The following SNX4 variants were observed in gnomAD, a reference collection of about 807,000 sequenced individuals.
The protein encoded by SNX4 is sorting nexin 4.
SNX4 carries 49 observed loss-of-function variants against 70.8 expected under a neutral mutation model. The ratio of observed to expected loss-of-function variants is 0.69; its 90% CI spans 0.55 to 0.88. The LOEUF is 0.88. Among genes scored for constraint, SNX4 ranks in the 40% least tolerant of loss-of-function variants. The pLI is 0.00. For synonymous variants in SNX4, 206 were observed against 183.8 expected, an observed-to-expected ratio of 1.12 and a Z score of -0.98; for missense variants, 528 against 544.8, an observed-to-expected ratio of 0.97 and a Z score of 0.31.
chr3:125,484,484 A>G (rs1448513812), intron 6 of SNX4, among the ~76,000 whole-genome samples: 2 of 151,960 alleles, frequency 1.3e-5, no homozygotes, highest in Admixed American at 1.3e-4. Flanking sequence ...CGAACTTCTG[A>G]CCTCAAGTGA....
intron 1 of SNX4, among the ~76,000 whole-genome samples, chr3:125,517,676 G>GT (rs1421230758): frequency 1.3e-5 from 2 of 152,178 alleles, no homozygotes; most frequent in Admixed American, 6.5e-5. Flanking sequence ...TTAGGGAGTT[G>GT]TTTTAAGAAA....
Position 125,460,838 on chromosome 3 carries a change from TATC to T in SNX4, c.874_876del (p.Asp292del). 8.5e-6 allele frequency: 13 copies of T among 1,533,034 alleles called. No homozygotes were observed. The highest frequency in any genetic ancestry group is 9.8e-6 in the Non-Finnish European group (11 of 1,126,316). 95.0% of individuals were successfully genotyped at this position (1,533,034 alleles called of 1,614,324 possible). On this transcript the variant is annotated inframe_deletion, in exon 10 of 14. Coordinates refer to ENST00000251775, the MANE Select transcript of SNX4 (RefSeq NM_003794.4). ...GCATAATGTTCTTCATCTTCCAAAATATCATCAATAGAAGATGCATACCTGTTT... is the reference window on the plus strand; with the variant it reads ...GCATAATGTTCTTCATCTTCCAAAATATCAATAGAAGATGCATACCTGTTT...
intron 5 of SNX4, among the ~76,000 whole-genome samples, chr3:125,495,275 T>TATATATACACAC: frequency 9.6e-5 from 8 of 83,048 alleles, no homozygotes; most frequent in Admixed American, 3.4e-4. Flanking sequence ...TATATATATA[T>TATATATACACAC]ATACACATAC....
At chr3:125,468,948 T>C (rs1470483819) in intron 9 of SNX4, among the ~76,000 whole-genome samples, 5 of 152,100 alleles carry the variant, frequency 3.3e-5, no homozygotes, top group Admixed American at 2.0e-4. Context: ...ACTGAAAATA[T>C]AGTTTTGCTT....
At chr3:125,474,061 C>A (rs188965973) in intron 8 of SNX4, among the ~76,000 whole-genome samples, 1 of 152,268 alleles carries the variant, frequency 6.6e-6, no homozygotes, top group East Asian at 1.9e-4. Context: ...ACCATTCCAC[C>A]TACATTCTCT....
intron 9 of SNX4, 108 bp downstream of exon 9, chr3:125,469,346 G>T (rs1257860464): frequency 1.4e-6 from 1 of 707,926 alleles, no homozygotes; most frequent in Non-Finnish European, 2.5e-6. Context: ...CACATAGAGC[G>T]CAATATAAAT....
At chr3:125,468,987 T>C (rs1409174579) in intron 9 of SNX4, among the ~76,000 whole-genome samples, 3 of 152,198 alleles carry the variant, frequency 2.0e-5, no homozygotes, top group African/African-American at 4.8e-5. Flanking sequence ...TCTTATTTAA[T>C]TTTCTTGTCT....
chr3:125,472,288 T>C (rs931095181), intron 8 of SNX4, among the ~76,000 whole-genome samples: 1 of 152,190 alleles, frequency 6.6e-6, no homozygotes, highest in Non-Finnish European at 1.5e-5. Context: ...TCCGATTATG[T>C]GGCCCCCAAC....
At chr3:125,488,218 G>T (rs945251007) in intron 6 of SNX4, among the ~76,000 whole-genome samples, 3 of 145,082 alleles carry the variant, frequency 2.1e-5, no homozygotes, top group Non-Finnish European at 4.5e-5. Flanking sequence ...GCTCACACCT[G>T]TAATCCCAGA....
At chr3:125,451,828 T>G (rs1193733342) in intron 12 of SNX4, among the ~76,000 whole-genome samples, 2 of 152,050 alleles carry the variant, frequency 1.3e-5, no homozygotes. Flanking sequence ...GGTTTCACCA[T>G]GTTGGCCAGG....
At chr3:125,494,070 G>A (rs1451836745) in intron 5 of SNX4, among the ~76,000 whole-genome samples, 3 of 151,152 alleles carry the variant, frequency 2.0e-5, no homozygotes, top group African/African-American at 4.9e-5. Context: ...AATCTAGTAC[G>A]CCAAAACTAC....
At chr3:125,492,022 C>G (rs1212781260) in intron 5 of SNX4, among the ~76,000 whole-genome samples, 7 of 145,104 alleles carry the variant, frequency 4.8e-5, no homozygotes, top group Non-Finnish European at 1.0e-4. Context: ...GCAGGAGAAT[C>G]GCTTGAACCC....
chr3:125,457,250 A>G lies in SNX4; in HGVS notation c.1044+16T>C, dbSNP rs377539402. 21 of 1,595,200 alleles carry G rather than the reference A, an allele frequency of 1.3e-5. No homozygotes were observed. Among genetic ancestry groups the G allele is most frequent in the Non-Finnish European group, 1.8e-5 (21 of 1,162,944 alleles). Reference sequence around the variant, plus strand: ...GTTGCTACAGTATCATCAGAGGCCAAAAGGAAAATACTCACCCCAGTTACC... The same window carrying G: ...GTTGCTACAGTATCATCAGAGGCCAGAAGGAAAATACTCACCCCAGTTACC... On this transcript the variant is annotated intron_variant, in intron 11 of 13. Transcript: ENST00000251775.
intron 1 of SNX4, among the ~76,000 whole-genome samples, chr3:125,506,507 ATT>A (rs554917775): frequency 2.2e-5 from 3 of 134,704 alleles, no homozygotes; most frequent in Admixed American, 7.7e-5. Context: ...TACCAGGCTA[ATT>A]TTTTTTTTTT....
At chr3:125,506,767 G>A (rs1935050960) in intron 1 of SNX4, among the ~76,000 whole-genome samples, 1 of 109,658 alleles carries the variant, frequency 9.1e-6, no homozygotes, top group African/African-American at 3.5e-5. Context: ...AGACTTTAAA[G>A]TAATCATCTT....
rs1320692788 is a variant in SNX4 at position 125,447,180 on chromosome 3, A to C, written c.*599T>G. On this transcript the variant is annotated 3_prime_UTR_variant, in exon 14 of 14. Coordinates refer to ENST00000251775, the MANE Select transcript of SNX4 (RefSeq NM_003794.4). Reference sequence around the variant, plus strand: ...AAGTTGAGTCTTCTTTGTTGGCAGTATAAAATTTCTGACCAGTATCAAAAT... The same window carrying C: ...AAGTTGAGTCTTCTTTGTTGGCAGTCTAAAATTTCTGACCAGTATCAAAAT... 1 of 152,672 alleles carries C rather than the reference A, an allele frequency of 6.5e-6. No individual in the cohort carries two copies. Among genetic ancestry groups the C allele is most frequent in the Non-Finnish European group, 1.5e-5 (1 of 68,044 alleles). The allele number at this position is 152,672 out of a possible 1,614,324, so 9.5% of individuals were successfully genotyped here. A position where few individuals can be genotyped will look rare whatever the true frequency, so the allele number is the denominator to read the frequency against.
At position 125,453,930 on chromosome 3, in the gene SNX4, C is replaced by T. The variant is rs1385571839; in HGVS notation, c.1070G>A (p.Gly357Glu). The T allele has an allele frequency of 1.2e-6, 2 of 1,613,252 alleles. No individual in the cohort carries two copies. Among genetic ancestry groups the T allele is most frequent in the African/African-American group, 1.3e-5 (1 of 74,890 alleles). Residue 357 changes from glycine (G) to glutamate (E), a missense_variant, in exon 12 of 14, where the codon GGA (glycine) becomes GAA (glutamate). This residue lies in a region of SNX4 where 159 missense variants were observed against 172.6 expected (regional missense o/e 0.92). Transcript: ENST00000251775. ...TGTVRTFSLK[G>E]MTTKLFGQET... ...TTGACCAAAGAGCTTGGTAGTCATTCCCTTCAAAGAGAATGTTCTCACAGT... is the reference window on the plus strand; with the variant it reads ...TTGACCAAAGAGCTTGGTAGTCATTTCCTTCAAAGAGAATGTTCTCACAGT...
intron 6 of SNX4, among the ~76,000 whole-genome samples, chr3:125,484,623 T>A (rs1934482565): frequency 6.6e-6 from 1 of 152,168 alleles, no homozygotes; most frequent in African/African-American, 2.4e-5. Flanking sequence ...TAATCAGATG[T>A]CATCCATTTC....
In SNX4 at chr3:125,497,303, G is replaced by A. The variant is rs78549894; in HGVS notation, c.597+38C>T. ...AGTGCATGGCACCATGCTGGGAACT[G>A]TAAAGGAACATGGCAAATTTCATAT... is the stretch of plus-strand genomic sequence containing the variant. On this transcript the variant is annotated intron_variant, in intron 5 of 13. Transcript: ENST00000251775. The A allele has an allele frequency of 1.8e-4, 258 of 1,449,232 alleles. 1 individual carries two copies. In the East Asian group the frequency reaches 3.9e-3, roughly 22 times the overall value. 89.8% of individuals were successfully genotyped at this position (1,449,232 alleles called of 1,614,324 possible). A position where few individuals can be genotyped will look rare whatever the true frequency, so the allele number is the denominator to read the frequency against.
Sources: allele counts gnomAD v4.1 joint callset (sites outside exome capture counted in the v4.1 genomes callset), GRCh38; gene constraint gnomAD v4.1.1; regional missense constraint gnomAD v4.1.1; transcripts MANE v1.5; gene names NCBI Gene and HGNC (gene_info 2026-07-23, HGNC 2026-07-21).